The following FAM222A variants were observed in gnomAD, a reference collection of about 807,000 sequenced individuals.
The protein encoded by FAM222A is protein FAM222A.
In FAM222A, 7 loss-of-function variants were observed where a neutral mutation model predicts 25.8. The observed-to-expected ratio is 0.27, with a 90% confidence interval of 0.15 to 0.51. The LOEUF (loss-of-function observed/expected upper bound fraction) is 0.51, where lower values mean the gene tolerates loss of function less well. Among genes scored for constraint, FAM222A ranks in the 20% least tolerant of loss-of-function variants. The pLI, the probability that FAM222A is intolerant of heterozygous loss-of-function variation, is 0.97. For missense variants in FAM222A, 573 were observed against 640.5 expected (o/e 0.89, Z 1.14); for synonymous variants, 294 against 298.8 (o/e 0.98, Z 0.17).
At chr12:109,741,712 C>CA (rs1271856380) in intron 1 of FAM222A, among the ~76,000 whole-genome samples, 1 of 152,230 alleles carries the variant, frequency 6.6e-6, no homozygotes, top group African/African-American at 2.4e-5. Context: ...GAGGTACCCA[C>CA]AGGGATCATG....
Position 109,770,374 on chromosome 12 carries a change from A to C in FAM222A, c.*1086A>C, listed in dbSNP as rs1464453235. 6.6e-6 allele frequency: 1 copy of C among 152,644 alleles called. No individual in the cohort carries two copies. The highest frequency in any genetic ancestry group is 2.4e-5 in the African/African-American group (1 of 41,446). 9.5% of individuals were successfully genotyped at this position (152,644 alleles called of 1,614,324 possible). On this transcript the variant is annotated 3_prime_UTR_variant, in exon 3 of 3. Coordinates refer to ENST00000538780, the MANE Select transcript of FAM222A (RefSeq NM_032829.3). ...CAAGGCCTGGTCAAGCACTAAGTGC[A>C]TTTACAAATCTCTGAGAATGTTTTT...
chr12:109,765,104 C>G (rs981438652), intron 2 of FAM222A, among the ~76,000 whole-genome samples: 2 of 152,238 alleles, frequency 1.3e-5, no homozygotes, highest in Admixed American at 6.5e-5. Flanking sequence ...CACTGAAGCT[C>G]ATTTGCCTAG....
intron 1 of FAM222A, among the ~76,000 whole-genome samples, chr12:109,723,002 T>TGGG (rs141202990): frequency 3.9e-4 from 24 of 61,896 alleles, no homozygotes; most frequent in South Asian, 1.1e-3. Context: ...AGGGAGCGGG[T>TGGG]GGGGGGGGGA....
chr12:109,750,774 G>T (rs975255093), intron 2 of FAM222A, among the ~76,000 whole-genome samples: 4 of 150,390 alleles, frequency 2.7e-5, no homozygotes, highest in Admixed American at 1.3e-4. Flanking sequence ...ACTTGAGTGG[G>T]TTTAAAAAAA....
chr12:109,765,985 C>T lies in FAM222A; in HGVS notation c.83-2027C>T, dbSNP rs528619002. ...AAGTAGTATTAGCAGTAGCATCACCCCATTTTACAGATGAGGAAGCAGAGG... is the reference window on the plus strand; with the variant it reads ...AAGTAGTATTAGCAGTAGCATCACCTCATTTTACAGATGAGGAAGCAGAGG... On this transcript the variant is annotated intron_variant, in intron 2 of 2. Transcript: ENST00000538780. Among the ~76,000 whole-genome samples, 70 of 152,362 alleles carry T rather than the reference C, an allele frequency of 4.6e-4. 1 individual carries two copies. The highest frequency in any genetic ancestry group is 1.7e-3 in the African/African-American group (70 of 41,578).
chr12:109,740,314 A>T (rs917370136), intron 1 of FAM222A, among the ~76,000 whole-genome samples: 1 of 152,116 alleles, frequency 6.6e-6, no homozygotes, highest in East Asian at 1.9e-4. Flanking sequence ...ATCAGCCCCC[A>T]TGTCAGGGAA....
At chr12:109,744,856 C>A (rs1256801113) in intron 2 of FAM222A, 8 of 837,950 alleles carry the variant, frequency 9.5e-6, no homozygotes, top group Non-Finnish European at 1.2e-5. Flanking sequence ...GCTCTGGTAA[C>A]ATAGGCCTGT....
At position 109,769,310 on chromosome 12, in the gene FAM222A, G is replaced by A. The variant is rs1889174222; in HGVS notation, c.*22G>A. 1.9e-6 allele frequency: 3 copies of A among 1,582,728 alleles called. No individual in the cohort carries two copies. The highest frequency in any genetic ancestry group is 2.6e-6 in the Non-Finnish European group (3 of 1,164,574). On this transcript the variant is annotated 3_prime_UTR_variant, in exon 3 of 3. Coordinates refer to ENST00000538780, the MANE Select transcript of FAM222A (RefSeq NM_032829.3). The stretch of plus-strand genomic sequence containing the variant: ...ATAAGGCCTGCCCTGCGGACATACG[G>A]ACATGCGGACAGGGCGCAGAGCCGG...
At chr12:109,740,311 C>A (rs1258477071) in intron 1 of FAM222A, among the ~76,000 whole-genome samples, 1 of 152,164 alleles carries the variant, frequency 6.6e-6, no homozygotes, top group Non-Finnish European at 1.5e-5. Flanking sequence ...CTTATCAGCC[C>A]CCATGTCAGG....
intron 1 of FAM222A, among the ~76,000 whole-genome samples, chr12:109,737,965 T>G (rs1592785043): frequency 4.1e-5 from 6 of 146,368 alleles, no homozygotes; most frequent in Admixed American, 6.8e-5. Context: ...ACAAGCGGGG[T>G]GGGAGAGAGA....
At chr12:109,724,255 C>T (rs1887802174) in intron 1 of FAM222A, among the ~76,000 whole-genome samples, 1 of 152,268 alleles carries the variant, frequency 6.6e-6, no homozygotes, top group East Asian at 1.9e-4. Context: ...CCTTTTCCAG[C>T]TACCTGGCTG....
At position 109,744,195 on chromosome 12, in the gene FAM222A, G is replaced by A. The variant is rs768337639; in HGVS notation, c.49G>A (p.Ala17Thr). The part of the protein sequence containing the change: ...RTQNAPGQHL[A>T]CPSKSLELRK... ...CCAGAACGCCCCGGGCCAACACCTG[G>A]CCTGCCCGAGCAAGAGCCTGGAGCT... Residue 17 changes from alanine to threonine, a missense_variant, in exon 2 of 3, where the codon GCC (alanine) becomes ACC (threonine). Ala to Thr is a moderately conservative substitution (Grantham distance 58, BLOSUM62 0). Transcript: ENST00000538780. 2 of 1,613,376 alleles carry A rather than the reference G, an allele frequency of 1.2e-6. No homozygotes were observed. Among genetic ancestry groups the A allele is most frequent in the Non-Finnish European group, 1.7e-6 (2 of 1,179,998 alleles).
chr12:109,741,800 C>G (rs1592787257), intron 1 of FAM222A, among the ~76,000 whole-genome samples: 1 of 152,334 alleles, frequency 6.6e-6, no homozygotes, highest in Non-Finnish European at 1.5e-5. Context: ...AAGGAGGTTC[C>G]AGCCTTCCAG....
At position 109,743,093 on chromosome 12, in the gene FAM222A, C is replaced by A. The variant is rs915599716; in HGVS notation, c.-46-1008C>A. Among the ~76,000 whole-genome samples the A allele has an allele frequency of 6.6e-5, 10 of 152,054 alleles. No individual in the cohort carries two copies. The East Asian group carries it at 1.7e-3, about 26-fold the overall frequency. ...CAGGAAGTGGTGGGGACAGGGTGCC[C>A]GGGAAGATGGACATCAGGGGTGTCC... On this transcript the variant is annotated intron_variant, in intron 1 of 2. Coordinates refer to ENST00000538780, the MANE Select transcript of FAM222A (RefSeq NM_032829.3).
intron 2 of FAM222A, chr12:109,744,889 T>G: frequency 1.7e-6 from 1 of 582,126 alleles, no homozygotes; most frequent in South Asian, 7.5e-5. Context: ...CAGCTATGGT[T>G]AGAGCTGAAT....
chr12:109,741,163 C>G (rs1366460003), intron 1 of FAM222A, among the ~76,000 whole-genome samples: 1 of 152,224 alleles, frequency 6.6e-6, no homozygotes, highest in East Asian at 1.9e-4. Context: ...CCCCTCCCCA[C>G]TTCCCTCCTA....
At chr12:109,744,818 C>G in intron 2 of FAM222A, 3 of 977,936 alleles carry the variant, frequency 3.1e-6, no homozygotes, top group Non-Finnish European at 3.6e-6. Flanking sequence ...TGGATTTCTA[C>G]TATCTCTTGA....
At chr12:109,759,236 G>A (rs1888819462) in intron 2 of FAM222A, among the ~76,000 whole-genome samples, 1 of 152,224 alleles carries the variant, frequency 6.6e-6, no homozygotes. Flanking sequence ...AATGGGGGCA[G>A]CCCCAGAATG....
chr12:109,754,033 T>G (rs1020497262), intron 2 of FAM222A, among the ~76,000 whole-genome samples: 1 of 152,082 alleles, frequency 6.6e-6, no homozygotes, highest in African/African-American at 2.4e-5. Context: ...TCAACCCTGT[T>G]TAGGATTTAA....
Sources: gnomAD v4.1 joint callset for allele counts (sites outside exome capture counted in the v4.1 genomes callset) on GRCh38, gnomAD v4.1.1 for gene constraint, MANE v1.5 for transcripts, NCBI Gene and HGNC (gene_info 2026-07-23, HGNC 2026-07-21) for gene names.